ROBO2: variants seen among roughly 807,000 people sequenced by gnomAD.
ROBO2 encodes roundabout homolog 2.
In ROBO2, 53 loss-of-function variants were observed where a neutral mutation model predicts 160.8. The ratio of observed to expected loss-of-function variants is 0.33; its 90% CI spans 0.26 to 0.41. The LOEUF (loss-of-function observed/expected upper bound fraction) is 0.41, where lower values mean the gene tolerates loss of function less well. Ranked by LOEUF, ROBO2 falls within the 10% of genes least tolerant of loss-of-function variation. ROBO2 has a pLI of 1.00. For synonymous variants in ROBO2, 664 were observed against 611.7 expected (o/e 1.09, Z -1.26); for missense variants, 1,577 against 1,722.4 (o/e 0.92, Z 1.49).
intron 2 of ROBO2, among the ~76,000 whole-genome samples, chr3:76,989,067 C>A (rs2060530553): frequency 6.6e-6 from 1 of 152,076 alleles, no homozygotes; most frequent in African/African-American, 2.4e-5. Flanking sequence ...TAAACACTTG[C>A]TGAGTATCAA....
intron 2 of ROBO2, among the ~76,000 whole-genome samples, chr3:77,209,507 A>G (rs1254165919): frequency 6.6e-6 from 1 of 152,214 alleles, no homozygotes; most frequent in Non-Finnish European, 1.5e-5. Context: ...GAGATGATGC[A>G]ATGAATGTCA....
chr3:76,877,753 G>T (rs1263189173), intron 2 of ROBO2, among the ~76,000 whole-genome samples: 1 of 152,180 alleles, frequency 6.6e-6, no homozygotes, highest in Non-Finnish European at 1.5e-5. Context: ...TACTGGAGGC[G>T]CATAGCTCAA....
intron 2 of ROBO2, among the ~76,000 whole-genome samples, chr3:76,945,121 C>T (rs901961300): frequency 6.6e-6 from 1 of 152,038 alleles, no homozygotes; most frequent in Non-Finnish European, 1.5e-5. Flanking sequence ...ATCTCCTGAC[C>T]TCGTGATCCG....
At chr3:76,298,505 A>C (rs1431546466) in intron 2 of ROBO2, among the ~76,000 whole-genome samples, 1 of 152,196 alleles carries the variant, frequency 6.6e-6, no homozygotes, top group African/African-American at 2.4e-5. Flanking sequence ...CATGCCCTAC[A>C]TCAAGGGGTA....
intron 2 of ROBO2, among the ~76,000 whole-genome samples, chr3:77,308,975 A>G (rs1560500764): frequency 6.6e-6 from 1 of 152,096 alleles, no homozygotes; most frequent in Non-Finnish European, 1.5e-5. Context: ...ATAAATCAAG[A>G]GGTTAAATGA....
intron 2 of ROBO2, among the ~76,000 whole-genome samples, chr3:77,412,249 T>C: frequency 6.6e-6 from 1 of 152,184 alleles, no homozygotes; most frequent in East Asian, 1.9e-4. Context: ...TCACTGCCAC[T>C]CACACCAAGA....
chr3:77,470,437 A>G (rs1203324146), intron 2 of ROBO2, among the ~76,000 whole-genome samples: 1 of 152,190 alleles, frequency 6.6e-6, no homozygotes, highest in Non-Finnish European at 1.5e-5. Flanking sequence ...TCAGTGCAGC[A>G]TAATGACTGT....
At position 77,274,973 on chromosome 3, in the gene ROBO2, C is replaced by G. The variant is rs147758024; in HGVS notation, c.388+176633C>G. Among the ~76,000 whole-genome samples the G allele has an allele frequency of 2.5e-3, 380 of 152,158 alleles. 2 individuals are homozygous for G. The highest frequency in any genetic ancestry group is 8.8e-3 in the African/African-American group (366 of 41,542). ...ATTTGAAGAAGTAGAGGATAACATT[C>G]TTTTGGGTACTTAATGAATATTTTT... On this transcript the variant is annotated intron_variant, in intron 2 of 25. Transcript: ENST00000461745.
chr3:76,842,113 T>A (rs1046038654), intron 2 of ROBO2, among the ~76,000 whole-genome samples: 1 of 152,272 alleles, frequency 6.6e-6, no homozygotes, highest in South Asian at 2.1e-4. Context: ...TATATGTGGC[T>A]AAATAGAATC....
intron 6 of ROBO2, among the ~76,000 whole-genome samples, chr3:77,539,964 T>G (rs1256563557): frequency 6.6e-6 from 1 of 152,212 alleles, no homozygotes. Context: ...TAGACTGCTC[T>G]GCTGAAATGC....
At chr3:76,841,862 C>T (rs1016250754) in intron 2 of ROBO2, among the ~76,000 whole-genome samples, 5 of 152,172 alleles carry the variant, frequency 3.3e-5, no homozygotes, top group Non-Finnish European at 5.9e-5. Context: ...CAGAAGTTGT[C>T]TATTTGCTGC....
At chr3:77,177,604 C>T (rs1210890311) in intron 2 of ROBO2, among the ~76,000 whole-genome samples, 1 of 151,696 alleles carries the variant, frequency 6.6e-6, no homozygotes, top group Non-Finnish European at 1.5e-5. Flanking sequence ...TATGGCTATT[C>T]TTAAATTTTT....
intron 2 of ROBO2, among the ~76,000 whole-genome samples, chr3:76,528,000 A>T (rs939861639): frequency 2.6e-5 from 4 of 152,002 alleles, no homozygotes; most frequent in Non-Finnish European, 5.9e-5. Flanking sequence ...TAGAGGTGAA[A>T]TGGGGGTGTG....
At chr3:77,214,238 A>ACTTCCTTTACGAGTCTGGGG (rs1242746460) in intron 2 of ROBO2, among the ~76,000 whole-genome samples, 7 of 152,008 alleles carry the variant, frequency 4.6e-5, no homozygotes, top group Non-Finnish European at 8.8e-5. Context: ...GTCTCTAAGG[A>ACTTCCTTTACGAGTCTGGGG]CTTCCTTTAC....
intron 2 of ROBO2, among the ~76,000 whole-genome samples, chr3:76,398,245 T>C (rs974058616): frequency 6.6e-6 from 1 of 150,808 alleles, no homozygotes. Context: ...AAACACTGCA[T>C]GTTCTCACTC....
intron 2 of ROBO2, among the ~76,000 whole-genome samples, chr3:77,098,690 A>G (rs1379868249): frequency 6.6e-6 from 1 of 151,944 alleles, no homozygotes; most frequent in Non-Finnish European, 1.5e-5. Flanking sequence ...TACAAAAAAT[A>G]CAAAAAGAAA....
intron 2 of ROBO2, among the ~76,000 whole-genome samples, chr3:76,273,007 A>C (rs1211489041): frequency 2.1e-5 from 2 of 94,278 alleles, no homozygotes; most frequent in Non-Finnish European, 3.9e-5. Flanking sequence ...TTTATATATA[A>C]AAATATATTA....
At position 77,427,003 on chromosome 3, in the gene ROBO2, C is replaced by T. The variant is rs367773443; in HGVS notation, c.389-50411C>T. 3.3e-5 allele frequency among the ~76,000 whole-genome samples: 5 copies of T among 151,928 alleles called. No homozygotes were observed. In the East Asian group the frequency reaches 7.7e-4, roughly 24 times the overall value. The stretch of plus-strand genomic sequence containing the variant: ...TACTCCTTTTAAAATTTGCTAACAG[C>T]GAACTTCATATTTTAATTTAACATT... On this transcript the variant is annotated intron_variant, in intron 2 of 25. Transcript: ENST00000461745.
chr3:76,513,974 G>A (rs1178317123), intron 2 of ROBO2, among the ~76,000 whole-genome samples: 1 of 152,128 alleles, frequency 6.6e-6, no homozygotes, highest in East Asian at 1.9e-4. Context: ...AATATGAGGT[G>A]TTCAAATTTC....
Sources: allele counts gnomAD v4.1 joint callset (sites outside exome capture counted in the v4.1 genomes callset), GRCh38; gene constraint gnomAD v4.1.1; transcripts MANE v1.5; gene names NCBI Gene and HGNC (gene_info 2026-07-23, HGNC 2026-07-21).